MYO10: variants seen among roughly 807,000 people sequenced by gnomAD.
The protein encoded by MYO10 is unconventional myosin-X.
A neutral mutation model predicts 257.3 loss-of-function variants in MYO10; 133 were observed. The ratio of observed to expected loss-of-function variants is 0.52; its 90% CI spans 0.45 to 0.60. MYO10 has a LOEUF of 0.60. Ranked by LOEUF, MYO10 falls within the 20% of genes least tolerant of loss-of-function variation. The pLI, the probability that MYO10 is intolerant of heterozygous loss-of-function variation, is 0.00. For synonymous variants in MYO10, 1,104 were observed against 1,028.6 expected, an observed-to-expected ratio of 1.07 and a Z score of -1.40; for missense variants, 2,399 against 2,635.7, an observed-to-expected ratio of 0.91 and a Z score of 1.97.
intron 21 of MYO10, among the ~76,000 whole-genome samples, chr5:16,707,983 G>A (rs978504361): frequency 2.6e-5 from 4 of 152,188 alleles, no homozygotes; most frequent in Admixed American, 6.5e-5. Flanking sequence ...TTCATTAGAG[G>A]TTTGAGGCTT....
At chr5:16,716,365 G>C (rs1312125631) in intron 19 of MYO10, among the ~76,000 whole-genome samples, 1 of 151,816 alleles carries the variant, frequency 6.6e-6, no homozygotes, top group Non-Finnish European at 1.5e-5. Flanking sequence ...GGACAACAGA[G>C]GTGCTGACAA....
intron 19 of MYO10, among the ~76,000 whole-genome samples, chr5:16,743,637 C>G (rs1037551932): frequency 6.6e-6 from 1 of 150,586 alleles, no homozygotes; most frequent in Admixed American, 6.6e-5. Context: ...AGTGAGACTC[C>G]ATTGCAAAAA....
chr5:16,763,945 G>C (rs1381024141), intron 12 of MYO10, among the ~76,000 whole-genome samples, 190 bp from the exon 13 acceptor site: 1 of 152,116 alleles, frequency 6.6e-6, no homozygotes, highest in Non-Finnish European at 1.5e-5. Flanking sequence ...GGGAGTCCAA[G>C]ACCAGCCTGA....
intron 23 of MYO10, 30 bp from the exon 24 acceptor site, chr5:16,702,618 A>G (rs1738136086): frequency 6.4e-7 from 1 of 1,554,476 alleles, no homozygotes; most frequent in Admixed American, 1.9e-5. Context: ...AGTGAAAATC[A>G]ACAACAATAA....
At chr5:16,726,478 C>G (rs1348693184) in intron 19 of MYO10, among the ~76,000 whole-genome samples, 1 of 152,164 alleles carries the variant, frequency 6.6e-6, no homozygotes, top group Non-Finnish European at 1.5e-5. Context: ...TCTACAGATG[C>G]ATAACCTGAA....
chr5:16,754,830 T>TGTAA lies in MYO10; in HGVS notation c.1926_1927insTTAC (p.Lys643LeufsTer8). The TGTAA allele has an allele frequency of 6.3e-7, 1 of 1,599,016 alleles. No individual in the cohort carries two copies. Among genetic ancestry groups the TGTAA allele is most frequent in the Non-Finnish European group, 8.5e-7 (1 of 1,170,072 alleles). ...CCTAGGACTGTCATCAATCTTACCT[T>TGTAA]CTGCATGTTTGGCTTGATACAGCGA... On this transcript the variant is annotated frameshift_variant, in exon 19 of 41. Coordinates refer to ENST00000513610, the MANE Select transcript of MYO10 (RefSeq NM_012334.3). LOFTEE classifies it high-confidence loss of function.
chr5:16,882,594 C>T (rs1744786187), intron 1 of MYO10, among the ~76,000 whole-genome samples: 3 of 151,984 alleles, frequency 2.0e-5, no homozygotes, highest in Admixed American at 2.0e-4. Flanking sequence ...ATCACTGATA[C>T]ATTCACCAAC....
chr5:16,867,080 G>C (rs949512290), intron 2 of MYO10, among the ~76,000 whole-genome samples: 1 of 152,238 alleles, frequency 6.6e-6, no homozygotes, highest in African/African-American at 2.4e-5. Context: ...TGGCACAGCA[G>C]CTGGCTTTGC....
At chr5:16,772,665 A>G (rs1230560573) in intron 9 of MYO10, among the ~76,000 whole-genome samples, 1 of 152,206 alleles carries the variant, frequency 6.6e-6, no homozygotes, top group African/African-American at 2.4e-5. Flanking sequence ...CATGTCTTTT[A>G]ATGTTGCTGG....
chr5:16,751,687 A>G (rs569159005), intron 19 of MYO10, among the ~76,000 whole-genome samples: 28 of 148,952 alleles, frequency 1.9e-4, no homozygotes, highest in African/African-American at 6.7e-4. Context: ...AGGTTTCACC[A>G]TGTTGGCCAG....
intron 1 of MYO10, among the ~76,000 whole-genome samples, chr5:16,922,558 G>A (rs1448487640): frequency 2.0e-5 from 3 of 152,154 alleles, no homozygotes; most frequent in Admixed American, 2.0e-4. Context: ...CAACCTCTAG[G>A]GTCAGGAGAG....
chr5:16,863,818 C>G (rs765697966), intron 2 of MYO10, among the ~76,000 whole-genome samples: 13 of 152,194 alleles, frequency 8.5e-5, no homozygotes, highest in African/African-American at 3.1e-4. Context: ...AAACTCCGGG[C>G]CAGGTGCGGT....
chr5:16,680,915 T>C (rs1349156037), intron 32 of MYO10, among the ~76,000 whole-genome samples: 1 of 152,148 alleles, frequency 6.6e-6, no homozygotes, highest in Non-Finnish European at 1.5e-5. Flanking sequence ...GGAGGATTGC[T>C]TGAGCCCTGG....
chr5:16,763,979 T>G (rs945522885), intron 12 of MYO10, among the ~76,000 whole-genome samples: 1 of 151,974 alleles, frequency 6.6e-6, no homozygotes, highest in South Asian at 2.1e-4. Context: ...ACCCCGTCTC[T>G]ATTGAAAATA....
intron 1 of MYO10, chr5:16,916,442 A>T (rs549409409): frequency 3.2e-4 from 53 of 165,218 alleles, no homozygotes; most frequent in African/African-American, 1.2e-3. Flanking sequence ...GATTACATTA[A>T]ATTACTTGCT....
intron 4 of MYO10, among the ~76,000 whole-genome samples, chr5:16,786,840 C>CT (rs1395939882): frequency 6.6e-6 from 1 of 150,470 alleles, no homozygotes; most frequent in Non-Finnish European, 1.5e-5. Flanking sequence ...TCGTCCAAAC[C>CT]TGTGGGTGTA....
rs766346380 is a variant in MYO10, at chr5:16,783,391, C to T, written c.546G>A (p.Leu182=). The T allele has an allele frequency of 6.2e-7, 1 of 1,606,642 alleles. No individual in the cohort carries two copies. Among genetic ancestry groups the T allele is most frequent in the Admixed American group, 1.7e-5 (1 of 58,936 alleles). Residue 182 remains leucine, a synonymous_variant, in exon 5 of 41, where the codon TTG becomes TTA. Coordinates refer to ENST00000513610, the MANE Select transcript of MYO10 (RefSeq NM_012334.3). ...ATGTCTTCTCCTTTAAGGACAATTC[C>T]AAAGACTGTTGACTGATGACTGACA... ...KFLSVISQQS[L]ELSLKEKTSC...
At chr5:16,719,345 G>A (rs983287069) in intron 19 of MYO10, among the ~76,000 whole-genome samples, 1 of 152,108 alleles carries the variant, frequency 6.6e-6, no homozygotes, top group African/African-American at 2.4e-5. Flanking sequence ...CCCCTCCTTG[G>A]GTGCCTGCTA....
chr5:16,711,029 C>T lies in MYO10; in HGVS notation c.2055-7G>A, dbSNP rs370411932. 9.9e-6 allele frequency: 16 copies of T among 1,613,852 alleles called. No homozygotes were observed. The highest frequency in any genetic ancestry group is 1.7e-5 in the Admixed American group (1 of 60,006). On this transcript the variant is annotated splice_region_variant and splice_polypyrimidine_tract_variant and intron_variant, in intron 20 of 40. Transcript: ENST00000513610. Reference sequence around the variant, plus strand: ...CCTCATCAGCACTTTATACCTGCAACGTGAAGACACACAGGGTCACCTTCT... The same window carrying T: ...CCTCATCAGCACTTTATACCTGCAATGTGAAGACACACAGGGTCACCTTCT...
Sources: allele counts gnomAD v4.1 joint callset (sites outside exome capture counted in the v4.1 genomes callset), GRCh38; gene constraint gnomAD v4.1.1; transcripts MANE v1.5; gene names NCBI Gene and HGNC (gene_info 2026-07-23, HGNC 2026-07-21).